TP63: variants seen among roughly 807,000 people sequenced by gnomAD.
TP63 encodes tumor protein 63.
In TP63, 17 loss-of-function variants were observed where a neutral mutation model predicts 82.8. The observed-to-expected ratio is 0.21, with a 90% CI of 0.14 to 0.31. The LOEUF (loss-of-function observed/expected upper bound fraction) is 0.31. Ranked by LOEUF, TP63 falls within the 10% of genes least tolerant of loss-of-function variation. The pLI is 1.00. For missense variants in TP63, 648 were observed against 895.3 expected (o/e 0.72, Z 3.52); for synonymous variants, 330 against 321.7 (o/e 1.03, Z -0.28).
In TP63 at chr3:189,792,110, A is replaced by G. The variant is rs577468977; in HGVS notation, c.325-16162A>G. Among the ~76,000 whole-genome samples the G allele has an allele frequency of 5.3e-5, 8 of 152,156 alleles. No homozygotes were observed. The South Asian group carries it at 1.5e-3, about 28-fold the overall frequency. ...GATAACTCAAAAACTATATAAGAAC[A>G]CTGTTCCTTCTCTATTCCTTTTCCC... On this transcript the variant is annotated intron_variant, in intron 3 of 13. Coordinates refer to ENST00000264731, the MANE Select transcript of TP63 (RefSeq NM_003722.5).
At chr3:189,731,518 G>T (rs1222142206) in intron 1 of TP63, among the ~76,000 whole-genome samples, 2 of 152,068 alleles carry the variant, frequency 1.3e-5, no homozygotes, top group Non-Finnish European at 2.9e-5. Context: ...AAGGTTGTTT[G>T]GAATCTGAAA....
chr3:189,623,327 A>C, the TP63 span, among the ~76,000 whole-genome samples: 1 of 152,270 alleles, frequency 6.6e-6, no homozygotes, highest in Non-Finnish European at 1.5e-5. Context: ...GGTAAATAAG[A>C]ATGCTTCATT....
At chr3:189,764,741 A>G (rs12631668) in intron 3 of TP63, among the ~76,000 whole-genome samples, 1 of 152,120 alleles carries the variant, frequency 6.6e-6, no homozygotes, top group Non-Finnish European at 1.5e-5. Context: ...CTCCTAATGG[A>G]TATTATTCAA....
At chr3:189,699,900 A>G (rs1717674595) in intron 1 of TP63, among the ~76,000 whole-genome samples, 1 of 152,222 alleles carries the variant, frequency 6.6e-6, no homozygotes, top group Non-Finnish European at 1.5e-5. Context: ...ATTTACCAAC[A>G]TGAATTTTAA....
intron 1 of TP63, among the ~76,000 whole-genome samples, chr3:189,634,949 AAT>A (rs1235934648): frequency 1.3e-5 from 2 of 152,010 alleles, no homozygotes; most frequent in Non-Finnish European, 2.9e-5. Context: ...TAGTTTGCAA[AAT>A]TTATTTTTTA....
rs752080701 is a variant in TP63, at chr3:189,738,740, G to A, written c.290G>A (p.Arg97His). The change falls in exon 3 of 14, where the codon CGC becomes CAC. Residue 97 changes from arginine (R) to histidine (H), a missense_variant. Arg to His is a conservative substitution (Grantham distance 29, BLOSUM62 0). This residue lies in a region of TP63 where 182 missense variants were observed against 213.6 expected (regional missense o/e 0.85). Transcript: ENST00000264731. ...ATTGAGATTAGCATGGACTGTATCC[G>A]CATGCAGGACTCGGACCTGAGTGAC... The part of the protein sequence containing the change: ...NKIEISMDCI[R>H]MQDSDLSDPM... The A allele has an allele frequency of 1.7e-5, 27 of 1,613,962 alleles. No individual in the cohort carries two copies. The highest frequency in any genetic ancestry group is 1.3e-4 in the Admixed American group (8 of 60,000).
chr3:189,619,366 T>C, the TP63 span, among the ~76,000 whole-genome samples: 1,690 of 152,164 alleles, frequency 0.011, 10 homozygotes, highest in Non-Finnish European at 0.017. Context: ...TTTAGGAGAG[T>C]CTGCAAAACC....
the TP63 span, among the ~76,000 whole-genome samples, chr3:189,612,832 TAGCA>T: frequency 6.6e-6 from 1 of 152,232 alleles, no homozygotes; most frequent in South Asian, 2.1e-4. Context: ...TGTTACGTTT[TAGCA>T]AAGAGACTGG....
chr3:189,605,607 C>T, the TP63 span, among the ~76,000 whole-genome samples: 1 of 152,114 alleles, frequency 6.6e-6, no homozygotes, highest in African/African-American at 2.4e-5. Context: ...GCTATGTGAT[C>T]ACTAAATATT....
At chr3:189,892,651 G>C (rs1035195823) in intron 13 of TP63, among the ~76,000 whole-genome samples, 2 of 152,092 alleles carry the variant, frequency 1.3e-5, no homozygotes, top group African/African-American at 4.8e-5. Flanking sequence ...AATTAGCCAG[G>C]TGTGGTGGTG....
At chr3:189,791,601 G>A (rs1725149640) in intron 3 of TP63, among the ~76,000 whole-genome samples, 1 of 152,046 alleles carries the variant, frequency 6.6e-6, no homozygotes, top group Non-Finnish European at 1.5e-5. Context: ...TGCTAAGGTC[G>A]ACAAAAAATA....
intron 1 of TP63, among the ~76,000 whole-genome samples, chr3:189,736,025 C>T (rs1198837357): frequency 6.6e-6 from 1 of 151,438 alleles, no homozygotes; most frequent in Non-Finnish European, 1.5e-5. Context: ...TTCATTACAA[C>T]TGCATGTAAA....
chr3:189,800,475 T>TA (rs72295286), intron 3 of TP63, among the ~76,000 whole-genome samples: 71,831 of 134,694 alleles, frequency 0.53, 19,382 homozygotes, highest in Non-Finnish European at 0.63. Flanking sequence ...CTTTAATGAG[T>TA]AAAAAAAAAA....
chr3:189,722,670 G>A (rs1175144592), intron 1 of TP63, among the ~76,000 whole-genome samples: 2 of 152,184 alleles, frequency 1.3e-5, no homozygotes, highest in African/African-American at 4.8e-5. Context: ...CTTCCCCAAA[G>A]TTATACACCT....
At chr3:189,730,440 T>C (rs1720079860) in intron 1 of TP63, among the ~76,000 whole-genome samples, 1 of 152,214 alleles carries the variant, frequency 6.6e-6, no homozygotes, top group African/African-American at 2.4e-5. Flanking sequence ...AAAAGAAATA[T>C]TCCTCTTAAC....
chr3:189,676,388 A>G (rs1349027435), intron 1 of TP63, among the ~76,000 whole-genome samples: 1 of 152,080 alleles, frequency 6.6e-6, no homozygotes, highest in Non-Finnish European at 1.5e-5. Flanking sequence ...TTTAGATTCC[A>G]TATGTAAGTG....
chr3:189,817,758 G>A lies in TP63; in HGVS notation c.579+9232G>A, dbSNP rs1055774217. Among the ~76,000 whole-genome samples, 5 of 151,976 alleles carry A rather than the reference G, an allele frequency of 3.3e-5. No homozygotes were observed. In the South Asian group the frequency reaches 8.3e-4, roughly 25 times the overall value. Reference sequence around the variant, plus strand: ...CATAATTTTTTTCTGATGTAAAAGAGTTTCTTCTTAAAAAATGTTTAATTG... The same window carrying A: ...CATAATTTTTTTCTGATGTAAAAGAATTTCTTCTTAAAAAATGTTTAATTG... On this transcript the variant is annotated intron_variant, in intron 4 of 13. Coordinates refer to ENST00000264731, the MANE Select transcript of TP63 (RefSeq NM_003722.5).
At chr3:189,755,406 T>C (rs564148387) in intron 3 of TP63, among the ~76,000 whole-genome samples, 1 of 152,278 alleles carries the variant, frequency 6.6e-6, no homozygotes, top group East Asian at 1.9e-4. Context: ...TGAACATTTT[T>C]GGGGTTTTAA....
At chr3:189,854,815 A>T (rs976677316) in intron 4 of TP63, among the ~76,000 whole-genome samples, 3 of 152,206 alleles carry the variant, frequency 2.0e-5, no homozygotes, top group Non-Finnish European at 4.4e-5. Context: ...AAGAAAATCA[A>T]CTTAGGAACT....
Sources: allele counts gnomAD v4.1 joint callset (sites outside exome capture counted in the v4.1 genomes callset), GRCh38; gene constraint gnomAD v4.1.1; regional missense constraint gnomAD v4.1.1; transcripts MANE v1.5; gene names NCBI Gene and HGNC (gene_info 2026-07-23, HGNC 2026-07-21).